The following WDFY3 variants were observed in gnomAD, a reference collection of about 807,000 sequenced individuals.
WDFY3 encodes WD repeat and FYVE domain-containing protein 3.
WDFY3 carries 66 observed loss-of-function variants against 409.6 expected under a neutral mutation model. The ratio of observed to expected loss-of-function variants is 0.16; its 90% CI spans 0.13 to 0.20. The LOEUF (loss-of-function observed/expected upper bound fraction) is 0.20, where lower values mean the gene tolerates loss of function less well. WDFY3 is among the 10% of genes least tolerant of loss of function. WDFY3 has a pLI of 1.00. For synonymous variants in WDFY3, 1,521 were observed against 1,537.1 expected, an observed-to-expected ratio of 0.99 and a Z score of 0.25; for missense variants, 3,031 against 4,298.1, an observed-to-expected ratio of 0.71 and a Z score of 8.24.
intron 3 of WDFY3, among the ~76,000 whole-genome samples, chr4:84,884,866 A>C (rs1386521708): frequency 6.6e-6 from 1 of 152,172 alleles, no homozygotes; most frequent in Non-Finnish European, 1.5e-5. Flanking sequence ...CTGAGAAACT[A>C]ACTCACTAAT....
chr4:84,947,096 C>T (rs1286362508), intron 1 of WDFY3, among the ~76,000 whole-genome samples: 6 of 151,782 alleles, frequency 4.0e-5, no homozygotes, highest in Middle Eastern at 3.4e-3. Context: ...CGTGAGCCAC[C>T]GTGCCCGGCC....
chr4:84,862,645 T>C (rs1328201077), intron 3 of WDFY3, among the ~76,000 whole-genome samples: 2 of 152,200 alleles, frequency 1.3e-5, no homozygotes, highest in Non-Finnish European at 2.9e-5. Context: ...AATCTAGAGA[T>C]AGTGGATAGG....
At chr4:84,713,072 C>T in intron 51 of WDFY3, 87 bp downstream of exon 51, 1 of 1,413,456 alleles carries the variant, frequency 7.1e-7, no homozygotes, top group Non-Finnish European at 9.9e-7. Flanking sequence ...GAAAAACACT[C>T]ATCTAAAATG....
intron 14 of WDFY3, chr4:84,809,105 T>C (rs1212589037): frequency 6.6e-6 from 1 of 152,188 alleles, no homozygotes; most frequent in African/African-American, 2.4e-5. Flanking sequence ...GGGCATAAAT[T>C]AGAAGTATTA....
chr4:84,779,145 T>G (rs1299694773), intron 26 of WDFY3, among the ~76,000 whole-genome samples: 2 of 152,194 alleles, frequency 1.3e-5, no homozygotes, highest in Non-Finnish European at 2.9e-5. Flanking sequence ...AGTCATTCTC[T>G]TATTACTGGT....
intron 2 of WDFY3, among the ~76,000 whole-genome samples, chr4:84,912,599 G>A (rs767189342): frequency 1.3e-5 from 2 of 152,012 alleles, no homozygotes; most frequent in Non-Finnish European, 2.9e-5. Context: ...TTAGAAAGAG[G>A]TATGGCATAA....
chr4:84,723,352 A>G (rs1735139731), intron 46 of WDFY3, among the ~76,000 whole-genome samples: 1 of 152,274 alleles, frequency 6.6e-6, no homozygotes, highest in African/African-American at 2.4e-5. Flanking sequence ...TGACACAGTC[A>G]TATACTATCA....
intron 32 of WDFY3, among the ~76,000 whole-genome samples, chr4:84,760,117 C>T (rs1316337796): frequency 4.6e-5 from 7 of 151,372 alleles, no homozygotes; most frequent in Middle Eastern, 3.4e-3. Flanking sequence ...TATTGATTTG[C>T]ATATATTGAA....
chr4:84,731,366 A>G (rs1183068886), intron 44 of WDFY3, among the ~76,000 whole-genome samples: 1 of 152,246 alleles, frequency 6.6e-6, no homozygotes, highest in Non-Finnish European at 1.5e-5. Context: ...TCAAATTTAC[A>G]AAAGATGTGA....
At chr4:84,952,181 T>C (rs1456164185) in intron 1 of WDFY3, among the ~76,000 whole-genome samples, 1 of 152,070 alleles carries the variant, frequency 6.6e-6, no homozygotes, top group African/African-American at 2.4e-5. Flanking sequence ...CTTCCTCACA[T>C]CCTCCTGAAA....
intron 24 of WDFY3, 131 bp from the exon 25 acceptor site, chr4:84,783,205 G>T: frequency 1.2e-6 from 1 of 825,800 alleles, no homozygotes; most frequent in Non-Finnish European, 1.9e-6. Flanking sequence ...TGAAAAACGA[G>T]CATTTAGGTC....
intron 3 of WDFY3, among the ~76,000 whole-genome samples, chr4:84,862,793 C>A (rs1760833134): frequency 6.6e-6 from 1 of 152,100 alleles, no homozygotes; most frequent in South Asian, 2.1e-4. Context: ...CGAGACTATC[C>A]TGGCTAACAC....
chr4:84,847,267 T>C (rs747360609), intron 5 of WDFY3, among the ~76,000 whole-genome samples: 16 of 152,114 alleles, frequency 1.1e-4, no homozygotes, highest in Non-Finnish European at 1.0e-4. Flanking sequence ...CAAGATCATC[T>C]TATGTTGCAG....
rs75175952 is a variant in WDFY3 at position 84,709,822 on chromosome 4, G to A, written c.8043-475C>T. On this transcript the variant is annotated intron_variant, in intron 51 of 67. Coordinates refer to ENST00000295888, the MANE Select transcript of WDFY3 (RefSeq NM_014991.6). ...GCTCACTGCAGCCTCTACCTCCTGG[G>A]TTCTAGTGATTCTCTGGCCTCAGCC... 5.3e-5 allele frequency among the ~76,000 whole-genome samples: 8 copies of A among 152,294 alleles called. No homozygotes were observed. The East Asian group carries it at 1.5e-3, about 29-fold the overall frequency.
At chr4:84,731,326 AAAAGATAC>A (rs1371885228) in intron 44 of WDFY3, among the ~76,000 whole-genome samples, 1 of 152,232 alleles carries the variant, frequency 6.6e-6, no homozygotes, top group Non-Finnish European at 1.5e-5. Context: ...TGCACATTCC[AAAAGATAC>A]AAGTTGACAT....
intron 10 of WDFY3, among the ~76,000 whole-genome samples, chr4:84,824,812 A>G (rs1344931717): frequency 6.6e-6 from 1 of 152,222 alleles, no homozygotes; most frequent in African/African-American, 2.4e-5. Flanking sequence ...AATGGAATAC[A>G]GCTATTTCCT....
intron 22 of WDFY3, among the ~76,000 whole-genome samples, chr4:84,788,255 T>C (rs1747880107): frequency 6.6e-6 from 1 of 152,234 alleles, no homozygotes; most frequent in South Asian, 2.1e-4. Flanking sequence ...TTCCATTAAC[T>C]GCTGTGTCAT....
intron 57 of WDFY3, 126 bp from the exon 58 acceptor site, chr4:84,696,308 C>T (rs1251937788): frequency 1.2e-6 from 1 of 837,344 alleles, no homozygotes; most frequent in Admixed American, 2.8e-5. Context: ...ACATAGTATT[C>T]CCCTCTTATT....
intron 56 of WDFY3, among the ~76,000 whole-genome samples, chr4:84,699,012 T>C (rs1560551561): frequency 1.3e-5 from 2 of 152,192 alleles, no homozygotes; most frequent in East Asian, 3.9e-4. Context: ...TTTTACACCA[T>C]TTACTATTTT....
Sources: gnomAD v4.1 joint callset for allele counts (sites outside exome capture counted in the v4.1 genomes callset) on GRCh38, gnomAD v4.1.1 for gene constraint, MANE v1.5 for transcripts, NCBI Gene and HGNC (gene_info 2026-07-23, HGNC 2026-07-21) for gene names.